The following FREM3 variants were observed in gnomAD, a reference collection of about 807,000 sequenced individuals.
FREM3 encodes the protein FRAS1-related extracellular matrix protein 3.
In FREM3, 105 loss-of-function variants were observed where a neutral mutation model predicts 129.1. That is an observed-to-expected ratio of 0.81 (90% CI 0.69 to 0.96). The LOEUF (loss-of-function observed/expected upper bound fraction) is 0.96. Ranked by LOEUF, FREM3 falls within the 40% of genes least tolerant of loss-of-function variation. The pLI is 0.00. For missense variants in FREM3, 2,593 were observed against 2,666.3 expected, an observed-to-expected ratio of 0.97 and a Z score of 0.61; for synonymous variants, 1,014 against 1,044.9, an observed-to-expected ratio of 0.97 and a Z score of 0.57.
Position 143,627,708 on chromosome 4 carries a change from AC to A in FREM3, c.5327del (p.Cys1776PhefsTer16). On this transcript the variant is annotated frameshift_variant, in exon 3 of 8. Transcript: ENST00000329798. LOFTEE classifies it high-confidence loss of function. The part of the protein sequence containing the change: ...QPFHLNWAWI[C>X]LEKEYYIVDE... ...CCACAATGTAGTACTCTTTCTCCAA[AC>A]AAATCCAAGCCCAGTTTAGATGGAA... The A allele has an allele frequency of 6.5e-7, 1 of 1,535,256 alleles. No individual in the cohort carries two copies. The highest frequency in any genetic ancestry group is 8.7e-7 in the Non-Finnish European group (1 of 1,145,142).
chr4:143,658,414 G>C (rs1446275616), intron 2 of FREM3, among the ~76,000 whole-genome samples: 2 of 152,158 alleles, frequency 1.3e-5, no homozygotes, highest in Non-Finnish European at 2.9e-5. Flanking sequence ...GTGCCAACTG[G>C]GAAGTCTGGA....
At chr4:143,623,890 G>C (rs1738999128) in intron 4 of FREM3, among the ~76,000 whole-genome samples, 1 of 152,132 alleles carries the variant, frequency 6.6e-6, no homozygotes, top group South Asian at 2.1e-4. Context: ...CAGGAATGCT[G>C]ATACAGATCC....
Position 143,624,262 on chromosome 4 carries a change from A to G in FREM3, c.5499T>C (p.Asn1833=). ...TCCATGTGGCTGTAGTCTGTCCAGG[A>G]TTGAACTGGATCTGTTTATTGGTCT... The part of the protein sequence containing the change: ...KWKTNKQIQF[N]PGQTTATWRV... The change falls in exon 4 of 8, where the codon AAT becomes AAC. Residue 1833 remains asparagine, a synonymous_variant. Coordinates refer to ENST00000329798, the MANE Select transcript of FREM3 (RefSeq NM_001168235.2). The G allele has an allele frequency of 6.5e-7, 1 of 1,536,986 alleles. No homozygotes were observed.
intron 7 of FREM3, among the ~76,000 whole-genome samples, chr4:143,582,859 C>T (rs956258309): frequency 4.0e-5 from 6 of 150,874 alleles, no homozygotes; most frequent in East Asian, 1.9e-4. Flanking sequence ...TTTCATAATA[C>T]GATTGAAAAT....
Position 143,697,400 on chromosome 4 carries a change from ATGT to A in FREM3, c.3273_3275del (p.Gln1091del). Reference sequence around the variant, plus strand: ...GAGTGTCCACATCTTCAACATGGAGATGTTGTAAGGTCAAGGAGTTCTTCTCAC... The same window carrying A: ...GAGTGTCCACATCTTCAACATGGAGATGTAAGGTCAAGGAGTTCTTCTCAC... On this transcript the variant is annotated inframe_deletion, in exon 1 of 8. Transcript: ENST00000329798. 3 of 1,537,150 alleles carry A rather than the reference ATGT, an allele frequency of 2.0e-6. No homozygotes were observed. The highest frequency in any genetic ancestry group is 2.6e-6 in the Non-Finnish European group (3 of 1,146,882).
chr4:143,669,538 T>C (rs1015080755), intron 2 of FREM3, among the ~76,000 whole-genome samples: 1 of 152,106 alleles, frequency 6.6e-6, no homozygotes, highest in Non-Finnish European at 1.5e-5. Context: ...TGCTCCCGCT[T>C]CAGCCTACTT....
chr4:143,692,198 G>C (rs1276382280), intron 2 of FREM3, among the ~76,000 whole-genome samples: 1 of 152,060 alleles, frequency 6.6e-6, no homozygotes, highest in East Asian at 1.9e-4. Flanking sequence ...TTTGACATAG[G>C]TATGAAGACC....
At chr4:143,666,084 G>C (rs924914002) in intron 2 of FREM3, among the ~76,000 whole-genome samples, 4 of 151,990 alleles carry the variant, frequency 2.6e-5, no homozygotes, top group Admixed American at 6.6e-5. Context: ...ATACCTGCCA[G>C]GGTTTTACAA....
Position 143,595,775 on chromosome 4 carries a change from T to C in FREM3, c.6029-9782A>G, listed in dbSNP as rs146358486. 7.6e-3 allele frequency among the ~76,000 whole-genome samples: 1,158 copies of C among 151,502 alleles called. 19 individuals carry two copies. Among genetic ancestry groups the C allele is most frequent in the African/African-American group, 0.026 (1,078 of 41,262 alleles). On this transcript the variant is annotated intron_variant, in intron 6 of 7. Transcript: ENST00000329798. The stretch of plus-strand genomic sequence containing the variant: ...TGGTGGCAGGCTCCTGTAGTCCCAG[T>C]TACTTGGGAGGCTGAGGCAGAAGAA...
chr4:143,640,022 A>C (rs545126686), intron 2 of FREM3, among the ~76,000 whole-genome samples: 4 of 152,250 alleles, frequency 2.6e-5, no homozygotes, highest in South Asian at 2.1e-4. Context: ...CAGCGATACC[A>C]AGTTCTCATG....
intron 2 of FREM3, among the ~76,000 whole-genome samples, chr4:143,670,310 C>T (rs1739944235): frequency 6.6e-6 from 1 of 152,134 alleles, no homozygotes. Context: ...AGGAAAGATA[C>T]ATGCTAACTA....
At chr4:143,591,024 A>G (rs1738350464) in intron 6 of FREM3, among the ~76,000 whole-genome samples, 1 of 152,132 alleles carries the variant, frequency 6.6e-6, no homozygotes, top group Non-Finnish European at 1.5e-5. Flanking sequence ...GTTTATTTGC[A>G]TAGAGGTGTT....
chr4:143,631,453 C>T (rs1391547558), intron 2 of FREM3, among the ~76,000 whole-genome samples: 1 of 152,148 alleles, frequency 6.6e-6, no homozygotes, highest in African/African-American at 2.4e-5. Flanking sequence ...AAGTGATTCT[C>T]CTGCCTCAGC....
intron 2 of FREM3, among the ~76,000 whole-genome samples, chr4:143,661,194 C>T (rs1004098772): frequency 3.9e-5 from 6 of 152,236 alleles, no homozygotes; most frequent in Admixed American, 3.3e-4. Flanking sequence ...AGTTTTTGCC[C>T]ATTCAGTATG....
At chr4:143,621,219 A>C in intron 4 of FREM3, 57 bp from the exon 5 acceptor site, 19 of 1,484,844 alleles carry the variant, frequency 1.3e-5, no homozygotes, top group Non-Finnish European at 1.7e-5. Flanking sequence ...GGTGATATTT[A>C]AACACACCTG....
At chr4:143,620,039 G>T (rs1188263419) in intron 5 of FREM3, among the ~76,000 whole-genome samples, 1 of 152,116 alleles carries the variant, frequency 6.6e-6, no homozygotes, top group Non-Finnish European at 1.5e-5. Context: ...CCCACAATCT[G>T]CAGCAATTAG....
intron 2 of FREM3, among the ~76,000 whole-genome samples, chr4:143,634,368 CA>C (rs1342707001): frequency 1.3e-5 from 2 of 152,118 alleles, no homozygotes; most frequent in Non-Finnish European, 2.9e-5. Context: ...GCATTACTCT[CA>C]AATGATCTAG....
chr4:143,651,114 T>C (rs1578851136), intron 2 of FREM3, among the ~76,000 whole-genome samples: 1 of 152,234 alleles, frequency 6.6e-6, no homozygotes, highest in Non-Finnish European at 1.5e-5. Context: ...AGACAAGTAA[T>C]ATATTTCCAG....
At chr4:143,685,934 C>T (rs566237934) in intron 2 of FREM3, among the ~76,000 whole-genome samples, 3 of 152,088 alleles carry the variant, frequency 2.0e-5, no homozygotes, top group African/African-American at 7.2e-5. Flanking sequence ...GATGGGTGCC[C>T]CAAACCATGG....
Sources: allele counts gnomAD v4.1 joint callset (sites outside exome capture counted in the v4.1 genomes callset), GRCh38; gene constraint gnomAD v4.1.1; transcripts MANE v1.5; gene names NCBI Gene and HGNC (gene_info 2026-07-23, HGNC 2026-07-21).